BAALC: variants seen among roughly 807,000 people sequenced by gnomAD.
BAALC encodes the protein brain and acute leukemia cytoplasmic protein.
A neutral mutation model predicts 15.5 loss-of-function variants in BAALC; 9 were observed. The observed-to-expected ratio is 0.58, with a 90% CI of 0.35 to 1.02. BAALC has a LOEUF of 1.02. Among genes scored for constraint, BAALC ranks in the 50% least tolerant of loss-of-function variants. BAALC has a pLI of 0.02. For missense variants in BAALC, 201 were observed against 192.4 expected (o/e 1.04, Z -0.27); for synonymous variants, 80 against 74.6 (o/e 1.07, Z -0.37).
chr8:103,206,801 G>A (rs1429995300), intron 1 of BAALC, among the ~76,000 whole-genome samples: 1 of 152,160 alleles, frequency 6.6e-6, no homozygotes, highest in East Asian at 1.9e-4. Context: ...GGATGGGGCA[G>A]GACAAGGAGC....
chr8:103,190,347 C>T (rs1050997813), intron 1 of BAALC, among the ~76,000 whole-genome samples: 3 of 152,142 alleles, frequency 2.0e-5, no homozygotes, highest in African/African-American at 2.4e-5. Flanking sequence ...TGTTCCACTC[C>T]GCCCCCATCC....
chr8:103,207,729 C>G (rs1812362534), intron 1 of BAALC, among the ~76,000 whole-genome samples: 1 of 152,256 alleles, frequency 6.6e-6, no homozygotes, highest in East Asian at 1.9e-4. Flanking sequence ...ATCCTTATGC[C>G]AAAGTGGCAC....
chr8:103,221,905 A>G (rs1373875067), intron 2 of BAALC, among the ~76,000 whole-genome samples: 3 of 152,192 alleles, frequency 2.0e-5, no homozygotes, highest in African/African-American at 7.2e-5. Flanking sequence ...TATGTGCCCA[A>G]GGTGGTTGGG....
intron 2 of BAALC, among the ~76,000 whole-genome samples, chr8:103,215,387 G>A (rs1183409770): frequency 1.3e-5 from 2 of 152,168 alleles, no homozygotes; most frequent in Non-Finnish European, 2.9e-5. Flanking sequence ...ATAGAACATA[G>A]CTTCAAGTAC....
chr8:103,222,676 A>C (rs1286380092), intron 2 of BAALC, among the ~76,000 whole-genome samples: 1 of 152,212 alleles, frequency 6.6e-6, no homozygotes, highest in Non-Finnish European at 1.5e-5. Context: ...TTGTTGTTCT[A>C]ATTATTTAAT....
At chr8:103,216,603 C>G (rs1812561944) in intron 2 of BAALC, among the ~76,000 whole-genome samples, 1 of 152,178 alleles carries the variant, frequency 6.6e-6, no homozygotes, top group Non-Finnish European at 1.5e-5. Context: ...AGCCTCCCAA[C>G]TAACTGGGAC....
chr8:103,193,352 A>G (rs1812016609), intron 1 of BAALC, among the ~76,000 whole-genome samples: 1 of 152,176 alleles, frequency 6.6e-6, no homozygotes, highest in South Asian at 2.1e-4. Flanking sequence ...TTCCTTTAGG[A>G]GTCACTACAT....
At chr8:103,172,649 C>T (rs535640209) in intron 1 of BAALC, among the ~76,000 whole-genome samples, 1 of 152,176 alleles carries the variant, frequency 6.6e-6, no homozygotes, top group South Asian at 2.1e-4. Flanking sequence ...CCTGCCTCAG[C>T]CTCCCAAAGT....
chr8:103,220,005 G>C (rs1812642977), intron 2 of BAALC, among the ~76,000 whole-genome samples: 1 of 152,092 alleles, frequency 6.6e-6, no homozygotes, highest in Admixed American at 6.6e-5. Flanking sequence ...TTTCCTACCT[G>C]GGAAAACAGA....
intron 1 of BAALC, among the ~76,000 whole-genome samples, chr8:103,178,419 C>T (rs111902729): frequency 1.6e-4 from 25 of 152,056 alleles, no homozygotes; most frequent in African/African-American, 4.6e-4. Context: ...CTAAATAGGA[C>T]GGGTGGATTG....
At chr8:103,155,555 C>T (rs749703124) in intron 1 of BAALC, among the ~76,000 whole-genome samples, 2 of 152,212 alleles carry the variant, frequency 1.3e-5, no homozygotes, top group Non-Finnish European at 2.9e-5. Flanking sequence ...TGGGTAAGGT[C>T]ATTTCCTTCC....
At chr8:103,152,713 C>G (rs989984771) in intron 1 of BAALC, among the ~76,000 whole-genome samples, 1 of 152,216 alleles carries the variant, frequency 6.6e-6, no homozygotes, top group Admixed American at 6.5e-5. Flanking sequence ...CAGAAACCAA[C>G]TCCAGGAATG....
chr8:103,171,908 A>G (rs1226818889), intron 1 of BAALC: 1 of 152,178 alleles, frequency 6.6e-6, no homozygotes. Context: ...AGTTCTCCCA[A>G]AATAAATTTG....
intron 1 of BAALC, among the ~76,000 whole-genome samples, chr8:103,143,606 A>C (rs537846932): frequency 2.6e-4 from 39 of 152,260 alleles, no homozygotes; most frequent in African/African-American, 8.9e-4. Flanking sequence ...CACTCCTTCA[A>C]CCACTCACAG....
rs1467538801 is a variant in BAALC, at chr8:103,213,029, C to G, written c.271C>G (p.Gln91Glu). Residue 91 changes from glutamine to glutamate, a missense_variant, in exon 2 of 3, where the codon CAG becomes GAG. Coordinates refer to ENST00000309982, the MANE Select transcript of BAALC (RefSeq NM_024812.3). ...CTGTGAGACCCAGTGCCCAAATCCCCAGAGCCTCAGCTCAGGCCCTCTGAC... is the reference window on the plus strand; with the variant it reads ...CTGTGAGACCCAGTGCCCAAATCCCGAGAGCCTCAGCTCAGGCCCTCTGAC... The part of the protein sequence containing the change: ...TNCETQCPNP[Q>E]SLSSGPLTQK... 6.2e-7 allele frequency: 1 copy of G among 1,614,144 alleles called. No homozygotes were observed. The highest frequency in any genetic ancestry group is 1.7e-5 in the Admixed American group (1 of 60,022).
chr8:103,166,703 C>G (rs1018237724), intron 1 of BAALC, among the ~76,000 whole-genome samples: 3 of 152,152 alleles, frequency 2.0e-5, no homozygotes, highest in African/African-American at 7.2e-5. Context: ...TTTGTTCAAA[C>G]CCAATGAACA....
chr8:103,178,522 T>C (rs1811652505), intron 1 of BAALC, among the ~76,000 whole-genome samples: 1 of 152,336 alleles, frequency 6.6e-6, no homozygotes, highest in South Asian at 2.1e-4. Context: ...CAGATCACTC[T>C]GTACGATTTC....
intron 1 of BAALC, among the ~76,000 whole-genome samples, chr8:103,184,270 A>C (rs1811787648): frequency 1.3e-5 from 2 of 151,992 alleles, no homozygotes; most frequent in Admixed American, 6.6e-5. Context: ...TCCACTTACA[A>C]CCTGAATTCC....
At chr8:103,168,042 A>G (rs1289708137) in intron 1 of BAALC, among the ~76,000 whole-genome samples, 1 of 152,136 alleles carries the variant, frequency 6.6e-6, no homozygotes, top group Non-Finnish European at 1.5e-5. Flanking sequence ...TAGTTGTGTA[A>G]ACTAGTTTTT....
Sources: gnomAD v4.1 joint callset for allele counts (sites outside exome capture counted in the v4.1 genomes callset) on GRCh38, gnomAD v4.1.1 for gene constraint, MANE v1.5 for transcripts, NCBI Gene and HGNC (gene_info 2026-07-23, HGNC 2026-07-21) for gene names.